PHLDB2: variants seen among roughly 807,000 people sequenced by gnomAD.
The protein encoded by PHLDB2 is pleckstrin homology-like domain family B member 2.
In PHLDB2, 71 loss-of-function variants were observed where a neutral mutation model predicts 123.6. The ratio of observed to expected loss-of-function variants is 0.57; its 90% CI spans 0.47 to 0.70. The LOEUF is 0.70. Ranked by LOEUF, PHLDB2 falls within the 30% of genes least tolerant of loss-of-function variation. The probability of loss-of-function intolerance (pLI) is 0.00; values close to 1 mark genes in which losing one functional copy is unlikely to be tolerated. For missense variants in PHLDB2, 1,446 were observed against 1,519.5 expected (o/e 0.95, Z 0.80); for synonymous variants, 547 against 541.6 (o/e 1.01, Z -0.14).
At chr3:111,966,078 A>G (rs990971903) in intron 13 of PHLDB2, among the ~76,000 whole-genome samples, 1 of 152,220 alleles carries the variant, frequency 6.6e-6, no homozygotes, top group African/African-American at 2.4e-5. Flanking sequence ...ATGATTTAAT[A>G]AATAAAGTGT....
At chr3:111,767,519 A>G (rs1329028865) in intron 1 of PHLDB2, among the ~76,000 whole-genome samples, 2 of 152,226 alleles carry the variant, frequency 1.3e-5, no homozygotes, top group Non-Finnish European at 2.9e-5. Context: ...GTAGGGTTCA[A>G]ATCATTTCAC....
intron 2 of PHLDB2, among the ~76,000 whole-genome samples, chr3:111,852,138 A>T (rs971429388): frequency 6.6e-6 from 1 of 151,458 alleles, no homozygotes. Flanking sequence ...TGCCTTTAAC[A>T]TTCCTCATGT....
intron 8 of PHLDB2, among the ~76,000 whole-genome samples, 190 bp from the exon 9 acceptor site, chr3:111,945,078 T>C (rs1321636182): frequency 6.6e-6 from 1 of 152,224 alleles, no homozygotes; most frequent in Non-Finnish European, 1.5e-5. Flanking sequence ...AAACAACTCA[T>C]GCAGCATATC....
intron 3 of PHLDB2, chr3:111,916,813 C>T (rs144718419): frequency 1.3e-5 from 2 of 152,206 alleles, no homozygotes; most frequent in East Asian, 1.9e-4. Flanking sequence ...GTGTCTTTTC[C>T]CCTATCATCT....
chr3:111,777,450 G>C (rs180910608), intron 1 of PHLDB2, among the ~76,000 whole-genome samples: 2 of 151,878 alleles, frequency 1.3e-5, no homozygotes, highest in South Asian at 2.1e-4. Flanking sequence ...CAGAATTTAT[G>C]GTATTTCTTT....
chr3:111,845,954 G>C (rs748576905), intron 2 of PHLDB2: 1 of 1,607,856 alleles, frequency 6.2e-7, no homozygotes, highest in Non-Finnish European at 8.5e-7. Flanking sequence ...TTTATTGTCA[G>C]AGGTTTTCAG....
intron 16 of PHLDB2, among the ~76,000 whole-genome samples, chr3:111,971,763 G>A (rs1313829047): frequency 6.6e-6 from 1 of 152,132 alleles, no homozygotes; most frequent in Non-Finnish European, 1.5e-5. Context: ...TGTCAGTGAG[G>A]GAAATGGCCG....
chr3:111,814,069 G>T (rs2061963607), intron 1 of PHLDB2, among the ~76,000 whole-genome samples: 1 of 152,220 alleles, frequency 6.6e-6, no homozygotes, highest in Non-Finnish European at 1.5e-5. Flanking sequence ...CAGCTGAGCT[G>T]TAAGGACATG....
intron 1 of PHLDB2, among the ~76,000 whole-genome samples, chr3:111,736,686 A>C (rs2059513676): frequency 6.6e-6 from 1 of 152,228 alleles, no homozygotes; most frequent in Non-Finnish European, 1.5e-5. Flanking sequence ...TCTCAGGCAG[A>C]GACCACTCAA....
At chr3:111,910,160 T>A (rs985913666) in intron 2 of PHLDB2, among the ~76,000 whole-genome samples, 5 of 152,184 alleles carry the variant, frequency 3.3e-5, no homozygotes, top group African/African-American at 1.2e-4. Context: ...AACCTCTAAG[T>A]GAAAAATTGC....
chr3:111,733,223 G>C (rs1020443904), intron 1 of PHLDB2, among the ~76,000 whole-genome samples: 3 of 152,142 alleles, frequency 2.0e-5, no homozygotes, highest in Admixed American at 1.3e-4. Flanking sequence ...GGAACCTAGA[G>C]AGTTAAAAGT....
Position 111,974,780 on chromosome 3 carries a change from T to C in PHLDB2, c.*217T>C. On this transcript the variant is annotated 3_prime_UTR_variant, in exon 18 of 18. Transcript: ENST00000431670. ...AATAGCAAAATAATTGAAGCTTCCA[T>C]GAGAAAGAAAACACTATTTTGATAA... The C allele has an allele frequency of 2.7e-6, 1 of 374,112 alleles. No homozygotes were observed. Among genetic ancestry groups the C allele is most frequent in the East Asian group, 4.2e-5 (1 of 23,736 alleles). The allele number at this position is 374,112 out of a possible 1,614,324, so 23.2% of individuals were successfully genotyped here.
chr3:111,949,724 G>T, intron 10 of PHLDB2: 1 of 985,462 alleles, frequency 1.0e-6, no homozygotes, highest in Non-Finnish European at 1.2e-6. Context: ...GTCTATTCTG[G>T]ATTTGTGTTT....
intron 1 of PHLDB2, among the ~76,000 whole-genome samples, chr3:111,788,509 A>G (rs570036838): frequency 1.3e-5 from 2 of 152,340 alleles, no homozygotes; most frequent in Admixed American, 1.3e-4. Flanking sequence ...GAAGATCTTT[A>G]TAAAGACCCT....
intron 1 of PHLDB2, among the ~76,000 whole-genome samples, chr3:111,797,836 T>C (rs1405484117): frequency 1.3e-5 from 2 of 152,212 alleles, no homozygotes; most frequent in Non-Finnish European, 2.9e-5. Flanking sequence ...GATTACTCAA[T>C]TGTAGAGAAA....
chr3:111,831,018 AAAGAAAGAAAGAAAGGAAGG>A (rs1380950344), intron 1 of PHLDB2, among the ~76,000 whole-genome samples: 4,007 of 115,272 alleles, frequency 0.035, 597 homozygotes, highest in Non-Finnish European at 0.04. Flanking sequence ...AGAAAGAAAG[AAAGAAAGAAAGAAAGGAAGG>A]AAGGAAGAAA....
At chr3:111,949,934 C>A (rs1353772934) in intron 10 of PHLDB2, 1 of 962,450 alleles carries the variant, frequency 1.0e-6, no homozygotes, top group Non-Finnish European at 1.2e-6. Flanking sequence ...GTTATTTTGA[C>A]AACGAAATTA....
intron 1 of PHLDB2, among the ~76,000 whole-genome samples, chr3:111,778,930 C>T (rs1207861370): frequency 2.6e-5 from 4 of 152,128 alleles, no homozygotes; most frequent in African/African-American, 9.7e-5. Context: ...GAGTTCCTTA[C>T]TGATTCCCTT....
rs536286820 is a variant in PHLDB2, at chr3:111,976,232, T to C, written c.*1669T>C. On this transcript the variant is annotated 3_prime_UTR_variant, in exon 18 of 18. Coordinates refer to ENST00000431670, the MANE Select transcript of PHLDB2 (RefSeq NM_001134438.2). ...GTGTGTTAAATATATTGAGTTTGGA[T>C]TAAAATGTTGACATGATTTCACATT... 6.6e-6 allele frequency: 1 copy of C among 152,276 alleles called. No individual in the cohort carries two copies. Among genetic ancestry groups the C allele is most frequent in the South Asian group, 2.1e-4 (1 of 4,834 alleles). 9.4% of individuals were successfully genotyped at this position (152,276 alleles called of 1,614,324 possible).
Sources: gnomAD v4.1 joint callset for allele counts (sites outside exome capture counted in the v4.1 genomes callset) on GRCh38, gnomAD v4.1.1 for gene constraint, MANE v1.5 for transcripts, NCBI Gene and HGNC (gene_info 2026-07-23, HGNC 2026-07-21) for gene names.